Variants in CORO6 observed in about 807,000 individuals in gnomAD.
CORO6 encodes the protein coronin-6.
CORO6 carries 43 observed loss-of-function variants against 49.0 expected under a neutral mutation model. The ratio of observed to expected loss-of-function variants is 0.88; its 90% CI spans 0.69 to 1.13. The LOEUF (loss-of-function observed/expected upper bound fraction) is 1.13, where lower values mean the gene tolerates loss of function less well. Among genes scored for constraint, CORO6 ranks in the 50% most tolerant of loss-of-function variants. CORO6 has a pLI of 0.00. For synonymous variants in CORO6, 233 were observed against 256.5 expected, an observed-to-expected ratio of 0.91 and a Z score of 0.88; for missense variants, 650 against 647.0, an observed-to-expected ratio of 1.00 and a Z score of -0.05.
At chr17:29,619,540 T>C in intron 3 of CORO6, 111 bp downstream of exon 3, 3 of 1,102,756 alleles carry the variant, frequency 2.7e-6, no homozygotes, top group Non-Finnish European at 4.0e-6. Context: ...GGCAGGGCCC[T>C]GGGACCCAGC....
At chr17:29,618,747 A>G in intron 5 of CORO6, 43 bp downstream of exon 5, 2 of 1,599,136 alleles carry the variant, frequency 1.3e-6, no homozygotes, top group Non-Finnish European at 1.7e-6. Context: ...ACAGCTGGCC[A>G]CTGGTCAAGG....
intron 5 of CORO6, chr17:29,618,346 G>A: frequency 7.7e-7 from 1 of 1,293,852 alleles, no homozygotes. Context: ...CAACGCGCGA[G>A]GGTTGCCCCA....
chr17:29,616,442 G>A lies in CORO6; in HGVS notation c.1005-106C>T. On this transcript the variant is annotated intron_variant, in intron 8 of 10. Coordinates refer to ENST00000388767, the MANE Select transcript of CORO6 (RefSeq NM_032854.4). This position sits in a 1 kb window ranked among gnomAD's most constrained non-coding sequence, Gnocchi z 5.6. ...CCAACACTTGCTCAGCGCCTACCATGCATATTGCACATTACACACATTATT... is the reference window on the plus strand; with the variant it reads ...CCAACACTTGCTCAGCGCCTACCATACATATTGCACATTACACACATTATT... 1.8e-6 allele frequency: 2 copies of A among 1,104,882 alleles called. No individual in the cohort carries two copies. Among genetic ancestry groups the A allele is most frequent in the Non-Finnish European group, 1.3e-6 (1 of 763,792 alleles). 68.4% of individuals were successfully genotyped at this position (1,104,882 alleles called of 1,614,324 possible).
chr17:29,616,083 TTC>T lies in CORO6; in HGVS notation c.1153_1154del (p.Glu385ThrfsTer166). ...CGTCCCTCAGCGAAATGAGCACGGG[TTC>T]GGCGTCCTGGCCGGATAGCCATTCG... ...ADEWLSGQDA[E>X]PVLISLRDGY... On this transcript the variant is annotated frameshift_variant, in exon 10 of 11. Coordinates refer to ENST00000388767, the MANE Select transcript of CORO6 (RefSeq NM_032854.4). LOFTEE classifies it high-confidence loss of function. The surrounding 1 kb of genome is among the most constrained non-coding windows in gnomAD (Gnocchi z 5.6). The T allele has an allele frequency of 1.2e-6, 2 of 1,613,026 alleles. No individual in the cohort carries two copies. Among genetic ancestry groups the T allele is most frequent in the Non-Finnish European group, 8.5e-7 (1 of 1,180,004 alleles).
Position 29,615,588 on chromosome 17 carries a change from G to C in CORO6, c.*144C>G, listed in dbSNP as rs2034817179. On this transcript the variant is annotated 3_prime_UTR_variant, in exon 11 of 11. Coordinates refer to ENST00000388767, the MANE Select transcript of CORO6 (RefSeq NM_032854.4). ...GTCTCCCCTAAGCTCCAAGAGTTCT[G>C]GTCTCCCGCGAGGGGCGGAGTTCCC... is the stretch of plus-strand genomic sequence containing the variant. The C allele has an allele frequency of 1.0e-5, 9 of 877,106 alleles. No individual in the cohort carries two copies. Among genetic ancestry groups the C allele is most frequent in the Non-Finnish European group, 1.5e-5 (9 of 600,944 alleles). 54.3% of individuals were successfully genotyped at this position (877,106 alleles called of 1,614,324 possible). A position where few individuals can be genotyped will look rare whatever the true frequency, so the allele number is the denominator to read the frequency against.
Position 29,616,182 on chromosome 17 carries a change from G to C in CORO6, c.1063-7C>G, listed in dbSNP as rs561730699. The C allele has an allele frequency of 6.2e-7, 1 of 1,612,054 alleles. No individual in the cohort carries two copies. The highest frequency in any genetic ancestry group is 1.3e-5 in the African/African-American group (1 of 75,034). On this transcript the variant is annotated splice_polypyrimidine_tract_variant and splice_region_variant and intron_variant, in intron 9 of 10. Coordinates refer to ENST00000388767, the MANE Select transcript of CORO6 (RefSeq NM_032854.4). This position sits in a 1 kb window ranked among gnomAD's most constrained non-coding sequence, Gnocchi z 5.6. ...CGTCCTGGAAGAGGTCTGACTGCGG[G>C]GGTGGGTGGACAGGAGGACTTGCGT... is the stretch of plus-strand genomic sequence containing the variant.
At chr17:29,617,791 T>A (rs980081000) in intron 5 of CORO6, 172 bp from the exon 6 acceptor site, 8 of 773,598 alleles carry the variant, frequency 1.0e-5, no homozygotes, top group Non-Finnish European at 1.6e-5. Flanking sequence ...GTCTGGCCCC[T>A]GACCTGGAGA....
Position 29,617,622 on chromosome 17 carries a change from G to T in CORO6, c.634-3C>A, listed in dbSNP as rs376581271. The T allele has an allele frequency of 3.1e-6, 5 of 1,588,044 alleles. No homozygotes were observed. Among genetic ancestry groups the T allele is most frequent in the Non-Finnish European group, 4.3e-6 (5 of 1,169,136 alleles). On this transcript the variant is annotated splice_region_variant and splice_polypyrimidine_tract_variant and intron_variant, in intron 5 of 10. Transcript: ENST00000388767. ...CCCTCGTGGGCCGCAAACCTCTCCT[G>T]GGGGGAGGGGGAGACAGGGAGGGAC...
chr17:29,618,017 G>A, intron 5 of CORO6: 3 of 1,458,050 alleles, frequency 2.1e-6, no homozygotes, highest in Non-Finnish European at 2.7e-6. Flanking sequence ...GAGAAGGAGC[G>A]AGCTAGCGCG....
chr17:29,621,605 A>G lies in CORO6; in HGVS notation c.-63-121T>C, dbSNP rs2035310622. On this transcript the variant is annotated intron_variant, in intron 1 of 10. Transcript: ENST00000388767. This position sits in a 1 kb window ranked among gnomAD's most constrained non-coding sequence, Gnocchi z 4.2. ...AGGGAGCTTTCTTCAAGGTGGTCAA[A>G]GTATGGGAAAGTTATTTTGCTGTGT... 1 of 1,024,794 alleles carries G rather than the reference A, an allele frequency of 9.8e-7. No homozygotes were observed. Among genetic ancestry groups the G allele is most frequent in the African/African-American group, 1.6e-5 (1 of 61,744 alleles). 63.5% of individuals were successfully genotyped at this position (1,024,794 alleles called of 1,614,324 possible). A position where few individuals can be genotyped will look rare whatever the true frequency, so the allele number is the denominator to read the frequency against.
At chr17:29,618,233 T>C in intron 5 of CORO6, 1 of 1,321,686 alleles carries the variant, frequency 7.6e-7, no homozygotes, top group South Asian at 2.0e-5. Flanking sequence ...GCGCGCTTGC[T>C]CCACGCAGAC....
At position 29,616,179 on chromosome 17, in the gene CORO6, C is replaced by A. The variant is rs2034887926; in HGVS notation, c.1063-4G>T. 4 of 1,611,820 alleles carry A rather than the reference C, an allele frequency of 2.5e-6. 1 individual carries two copies. The highest frequency in any genetic ancestry group is 2.2e-5 in the South Asian group (2 of 90,988). On this transcript the variant is annotated splice_polypyrimidine_tract_variant and splice_region_variant and intron_variant, in intron 9 of 10. Coordinates refer to ENST00000388767, the MANE Select transcript of CORO6 (RefSeq NM_032854.4). This position sits in a 1 kb window ranked among gnomAD's most constrained non-coding sequence, Gnocchi z 5.6. ...GATCGTCCTGGAAGAGGTCTGACTG[C>A]GGGGGTGGGTGGACAGGAGGACTTG...
intron 2 of CORO6, 113 bp from the exon 3 acceptor site, chr17:29,619,886 C>A: frequency 8.5e-6 from 8 of 946,046 alleles, no homozygotes; most frequent in Non-Finnish European, 1.3e-5. Context: ...CTTTGCAGAT[C>A]CCTCTCTGCA....
Position 29,617,482 on chromosome 17 carries a change from A to T in CORO6, c.753+18T>A, listed in dbSNP as rs371900852. On this transcript the variant is annotated intron_variant, in intron 6 of 10. Coordinates refer to ENST00000388767, the MANE Select transcript of CORO6 (RefSeq NM_032854.4). Reference sequence around the variant, plus strand: ...GCCAGTCCCCGAGGCACACACCCCAAGCCTCCAGCTGCGTTACCGGGTCCC... The same window carrying T: ...GCCAGTCCCCGAGGCACACACCCCATGCCTCCAGCTGCGTTACCGGGTCCC... 1.2e-5 allele frequency: 19 copies of T among 1,600,184 alleles called. No homozygotes were observed. The African/African-American group carries it at 2.5e-4, about 21-fold the overall frequency.
rs375463631 is a variant in CORO6, at chr17:29,619,159, G to A, written c.352C>T (p.Arg118Cys). ...VWQIPDYTPMRNITEPIITLE... is the reference protein window; with the variant it reads ...VWQIPDYTPMCNITEPIITLE... ...GTGATGATAGGTTCCGTAATGTTGC[G>A]CATGGGGGTATAGTCTGGAATCTGC... The change falls in exon 4 of 11, where the codon CGC becomes TGC. Residue 118 changes from arginine to cysteine, a missense_variant. By Grantham distance (180) the Arg-to-Cys change is radical. Transcript: ENST00000388767. The A allele has an allele frequency of 2.0e-5, 33 of 1,613,542 alleles. No homozygotes were observed. In the East Asian group the frequency reaches 3.8e-4, roughly 19 times the overall value.
chr17:29,622,887 T>G lies in CORO6; in HGVS notation c.-263A>C, dbSNP rs1198292783. 2.3e-6 allele frequency: 3 copies of G among 1,280,650 alleles called. No individual in the cohort carries two copies. The highest frequency in any genetic ancestry group is 3.1e-6 in the Non-Finnish European group (3 of 981,370). 79.3% of individuals were successfully genotyped at this position (1,280,650 alleles called of 1,614,324 possible). On this transcript the variant is annotated 5_prime_UTR_variant, in exon 1 of 11. Transcript: ENST00000388767. ...AGCCCGGCGCCGCTGCAGCCCCAGC[T>G]GCCGCTGCCATCAACCTAAGAGGGC...
chr17:29,620,889 G>A (rs535747798), intron 2 of CORO6, among the ~76,000 whole-genome samples: 1 of 152,140 alleles, frequency 6.6e-6, no homozygotes, highest in African/African-American at 2.4e-5. Flanking sequence ...GAGGGGATGC[G>A]GCATTAGGAG....
Position 29,616,667 on chromosome 17 carries a change from C to T in CORO6, c.1004+35G>A, listed in dbSNP as rs1031357840. The T allele has an allele frequency of 3.1e-6, 5 of 1,596,032 alleles. No homozygotes were observed. The Admixed American group carries it at 5.0e-5, about 16-fold the overall frequency. On this transcript the variant is annotated intron_variant, in intron 8 of 10. Transcript: ENST00000388767. This position sits in a 1 kb window ranked among gnomAD's most constrained non-coding sequence, Gnocchi z 5.6. The stretch of plus-strand genomic sequence containing the variant: ...ACCCGACATGAGTGGGGGACAGAGG[C>T]GGGTAGGTGTTCAGGAGGGGCCAAG...
rs1362783340 is a variant in CORO6, at chr17:29,621,471, C to A, written c.-50G>T. The A allele has an allele frequency of 2.8e-5, 44 of 1,556,566 alleles. 1 individual carries two copies. The East Asian group carries it at 1.1e-3, about 38-fold the overall frequency. ...TCAGTGCCCAGAAATGCCTTTGGTCCTTAGTCCTGTGAGCTGCGGGAGGGA... is the reference window on the plus strand; with the variant it reads ...TCAGTGCCCAGAAATGCCTTTGGTCATTAGTCCTGTGAGCTGCGGGAGGGA... On this transcript the variant is annotated 5_prime_UTR_variant, in exon 2 of 11. It adds an upstream start codon to the 5' untranslated region. Coordinates refer to ENST00000388767, the MANE Select transcript of CORO6 (RefSeq NM_032854.4). The surrounding 1 kb of genome is among the most constrained non-coding windows in gnomAD (Gnocchi z 4.2).
Sources: allele counts gnomAD v4.1 joint callset (sites outside exome capture counted in the v4.1 genomes callset), GRCh38; gene constraint gnomAD v4.1.1; non-coding constraint Gnocchi (gnomAD v3.1); transcripts MANE v1.5; gene names NCBI Gene and HGNC (gene_info 2026-07-23, HGNC 2026-07-21).